Variants in CFAP58 observed in about 807,000 individuals in gnomAD.
CFAP58 encodes the protein cilia and flagella associated protein 58.
In CFAP58, 88 loss-of-function variants were observed where a neutral mutation model predicts 119.5. That is an observed-to-expected ratio of 0.74 (90% CI 0.62 to 0.88). CFAP58 has a LOEUF of 0.88. CFAP58 is among the 40% of genes least tolerant of loss of function. The pLI, the probability that CFAP58 is intolerant of heterozygous loss-of-function variation, is 0.00. For synonymous variants in CFAP58, 365 were observed against 366.3 expected (o/e 1.00, Z 0.04); for missense variants, 990 against 1,021.2 (o/e 0.97, Z 0.42).
chr10:104,372,537 C>T (rs1000802721), intron 7 of CFAP58, among the ~76,000 whole-genome samples: 2 of 152,084 alleles, frequency 1.3e-5, no homozygotes, highest in Non-Finnish European at 2.9e-5. Context: ...AGGCATTATT[C>T]TAGGTGCTGG....
chr10:104,338,999 C>G, the CFAP58 span, among the ~76,000 whole-genome samples: 47 of 151,694 alleles, frequency 3.1e-4, no homozygotes, highest in Admixed American at 1.8e-3. Flanking sequence ...ACCTCCGCCT[C>G]CCGGGTTCGA....
chr10:104,353,089 A>T (rs1270241531), upstream of CFAP58: 1 of 152,170 alleles, frequency 6.6e-6, no homozygotes, highest in Non-Finnish European at 1.5e-5. Flanking sequence ...TCATGAACCA[A>T]GGAGTATAAT....
At chr10:104,346,556 A>C in the CFAP58 span, among the ~76,000 whole-genome samples, 1 of 144,572 alleles carries the variant, frequency 6.9e-6, no homozygotes, top group South Asian at 2.2e-4. Flanking sequence ...GTCTTGTTAT[A>C]TTGTTCAGGC....
chr10:104,401,012 C>T (rs2012254919), intron 13 of CFAP58, 109 bp downstream of exon 13: 3 of 739,456 alleles, frequency 4.1e-6, no homozygotes, highest in Non-Finnish European at 6.7e-6. Flanking sequence ...TCGAGTTGTA[C>T]AAAATGAAGT....
At position 104,393,416 on chromosome 10, in the gene CFAP58, G is replaced by C. The variant is rs140999253; in HGVS notation, c.1615G>C (p.Ala539Pro). 1.2e-6 allele frequency: 2 copies of C among 1,613,884 alleles called. No homozygotes were observed. Among genetic ancestry groups the C allele is most frequent in the Non-Finnish European group, 8.5e-7 (1 of 1,179,938 alleles). The stretch of plus-strand genomic sequence containing the variant: ...AGAAGACATCTCTGCCAAAGAGTCC[G>C]CACTTGTGAAGCTGCACCTGGAACA... The part of the protein sequence containing the change: ...LKEDISAKES[A>P]LVKLHLEQQR... Residue 539 changes from alanine to proline, a missense_variant, in exon 11 of 18, where the codon GCA (alanine) becomes CCA (proline). Ala to Pro is a conservative substitution (Grantham distance 27, BLOSUM62 -1). Coordinates refer to ENST00000369704, the MANE Select transcript of CFAP58 (RefSeq NM_001008723.2).
At chr10:104,357,866 T>G (rs539190965) in intron 1 of CFAP58, among the ~76,000 whole-genome samples, 1 of 103,062 alleles carries the variant, frequency 9.7e-6, no homozygotes, top group Non-Finnish European at 2.1e-5. Context: ...TACACATATA[T>G]ACACATATAT....
chr10:104,379,830 G>A (rs1488603444), intron 8 of CFAP58, among the ~76,000 whole-genome samples, 199 bp from the exon 9 acceptor site: 1 of 152,182 alleles, frequency 6.6e-6, no homozygotes, highest in Non-Finnish European at 1.5e-5. Context: ...TGGTTGCTTA[G>A]TGTATTTATA....
At chr10:104,422,673 C>T (rs565159797) in intron 15 of CFAP58, among the ~76,000 whole-genome samples, 1 of 152,200 alleles carries the variant, frequency 6.6e-6, no homozygotes, top group Non-Finnish European at 1.5e-5. Context: ...CTACCTGTCT[C>T]CACCAGCCTA....
At chr10:104,342,666 C>CAAAAAAAAA in the CFAP58 span, among the ~76,000 whole-genome samples, 80 of 90,224 alleles carry the variant, frequency 8.9e-4, no homozygotes, top group East Asian at 2.3e-3. Context: ...CCCGTCTATA[C>CAAAAAAAAA]AAAAAAAAAA....
intron 11 of CFAP58, 128 bp downstream of exon 11, chr10:104,393,603 TA>T (rs1450287362): frequency 4.8e-6 from 4 of 839,930 alleles, no homozygotes; most frequent in Non-Finnish European, 7.2e-6. Context: ...AGTTGCTAGT[TA>T]CCCAAACCAA....
At chr10:104,398,733 C>G (rs1239638078) in intron 11 of CFAP58, among the ~76,000 whole-genome samples, 3 of 152,116 alleles carry the variant, frequency 2.0e-5, no homozygotes, top group Non-Finnish European at 2.9e-5. Context: ...AAATTATTGC[C>G]TGGACTTCTT....
chr10:104,376,727 G>C, intron 7 of CFAP58, 84 bp from the exon 8 acceptor site: 1 of 1,006,278 alleles, frequency 9.9e-7, no homozygotes, highest in African/African-American at 1.6e-5. Context: ...AACATGTAAA[G>C]CAGTTTTTGT....
chr10:104,340,192 G>A, the CFAP58 span, among the ~76,000 whole-genome samples: 1 of 152,118 alleles, frequency 6.6e-6, no homozygotes, highest in African/African-American at 2.4e-5. Context: ...TCATGAACTG[G>A]CCTCTGCTTA....
At chr10:104,391,756 G>T (rs1235223316) in intron 9 of CFAP58, among the ~76,000 whole-genome samples, 3 of 152,122 alleles carry the variant, frequency 2.0e-5, no homozygotes, top group African/African-American at 7.2e-5. Context: ...TTTGACATTG[G>T]CAAGATAGCG....
chr10:104,452,655 A>T (rs1257151698), intron 17 of CFAP58, among the ~76,000 whole-genome samples: 1 of 152,218 alleles, frequency 6.6e-6, no homozygotes, highest in Non-Finnish European at 1.5e-5. Flanking sequence ...TGAGATTTAA[A>T]CAAATTACTG....
the CFAP58 span, among the ~76,000 whole-genome samples, chr10:104,341,322 A>G: frequency 1.3e-5 from 2 of 152,038 alleles, no homozygotes; most frequent in African/African-American, 4.8e-5. Flanking sequence ...CAGACTAGGA[A>G]ATGAACCACA....
At chr10:104,351,114 G>A (rs1271322429), upstream of CFAP58, among the ~76,000 whole-genome samples, 1 of 152,320 alleles carries the variant, frequency 6.6e-6, no homozygotes, top group East Asian at 1.9e-4. Flanking sequence ...AGCAGCCTGA[G>A]CTGGGTTGCC....
chr10:104,357,855 A>ATGTACATATACACACATATATG (rs1225155908), intron 1 of CFAP58, among the ~76,000 whole-genome samples: 1 of 46,724 alleles, frequency 2.1e-5, no homozygotes, highest in African/African-American at 9.4e-5. Context: ...GTACACATAT[A>ATGTACATATACACACATATATG]TACACATATA....
At chr10:104,392,532 G>A (rs529899201) in intron 10 of CFAP58, 138 bp downstream of exon 10, 36 of 537,644 alleles carry the variant, frequency 6.7e-5, no homozygotes, top group South Asian at 2.7e-4. Flanking sequence ...ATCAATTTAC[G>A]CAAAACTGTC....
Sources: allele counts gnomAD v4.1 joint callset (sites outside exome capture counted in the v4.1 genomes callset), GRCh38; gene constraint gnomAD v4.1.1; transcripts MANE v1.5; gene names NCBI Gene and HGNC (gene_info 2026-07-23, HGNC 2026-07-21).